The following ADAMTS12 variants were observed in gnomAD, a reference collection of about 807,000 sequenced individuals.
The protein encoded by ADAMTS12 is A disintegrin and metalloproteinase with thrombospondin motifs 12.
A neutral mutation model predicts 167.8 loss-of-function variants in ADAMTS12; 118 were observed. The observed-to-expected ratio is 0.70, with a 90% CI of 0.61 to 0.82. The LOEUF (loss-of-function observed/expected upper bound fraction) is 0.82, where lower values mean the gene tolerates loss of function less well. Among genes scored for constraint, ADAMTS12 ranks in the 40% least tolerant of loss-of-function variants. The pLI, the probability that ADAMTS12 is intolerant of heterozygous loss-of-function variation, is 0.00. For synonymous variants in ADAMTS12, 704 were observed against 716.9 expected (o/e 0.98, Z 0.29); for missense variants, 1,916 against 1,998.8 (o/e 0.96, Z 0.79).
At chr5:33,661,870 C>T (rs769189867) in intron 6 of ADAMTS12, 46 bp downstream of exon 6, 2 of 1,609,470 alleles carry the variant, frequency 1.2e-6, no homozygotes, top group Non-Finnish European at 1.7e-6. Context: ...ACCTGCCATC[C>T]CTCCCTGCTT....
intron 3 of ADAMTS12, among the ~76,000 whole-genome samples, chr5:33,700,452 T>C (rs922117316): frequency 6.6e-6 from 1 of 152,170 alleles, no homozygotes; most frequent in South Asian, 2.1e-4. Context: ...TATGATTCCA[T>C]TGGTATAACA....
intron 16 of ADAMTS12, among the ~76,000 whole-genome samples, chr5:33,610,176 T>C (rs59978630): frequency 0.04 from 6,062 of 152,156 alleles, 275 homozygotes; most frequent in African/African-American, 0.11. Context: ...AATGAAACTC[T>C]GTCTCAAACA....
Position 33,525,428 on chromosome 5 carries a change from T to C in ADAMTS12, c.*1760A>G, listed in dbSNP as rs1743770006. ...AATTCATGAGAGTAATACACGTTAA[T>C]GGCTTGGAAAAAAATAAAAAGCACA... On this transcript the variant is annotated 3_prime_UTR_variant, in exon 24 of 24. Transcript: ENST00000504830. The C allele has an allele frequency of 6.6e-6, 1 of 152,190 alleles. No homozygotes were observed. The highest frequency in any genetic ancestry group is 1.5e-5 in the Non-Finnish European group (1 of 68,038). The allele number at this position is 152,190 out of a possible 1,614,324, so 9.4% of individuals were successfully genotyped here.
Position 33,549,384 on chromosome 5 carries a change from C to A in ADAMTS12, c.4126-1G>T. ...AGCCCCCACTGCAGTTTCTGGAGCACTGTATGGAGAGAAAAATCAAAGGCG... is the reference window on the plus strand; with the variant it reads ...AGCCCCCACTGCAGTTTCTGGAGCAATGTATGGAGAGAAAAATCAAAGGCG... On this transcript the variant is annotated splice_acceptor_variant, in intron 20 of 23. Transcript: ENST00000504830. LOFTEE classifies it high-confidence loss of function. 6.2e-7 allele frequency: 1 copy of A among 1,605,664 alleles called. No individual in the cohort carries two copies. Among genetic ancestry groups the A allele is most frequent in the African/African-American group, 1.3e-5 (1 of 74,902 alleles).
chr5:33,677,058 C>G (rs1432372842), intron 5 of ADAMTS12, among the ~76,000 whole-genome samples: 2 of 152,300 alleles, frequency 1.3e-5, no homozygotes, highest in East Asian at 3.9e-4. Context: ...ATCCGACTCA[C>G]TCTCATTCCA....
At chr5:33,745,304 G>A (rs560960039) in intron 3 of ADAMTS12, among the ~76,000 whole-genome samples, 2 of 152,308 alleles carry the variant, frequency 1.3e-5, no homozygotes, top group African/African-American at 4.8e-5. Flanking sequence ...GAATGATGAA[G>A]GGAAAACTCA....
chr5:33,538,169 C>T (rs144422875), intron 22 of ADAMTS12, among the ~76,000 whole-genome samples: 2,392 of 152,254 alleles, frequency 0.016, 60 homozygotes, highest in African/African-American at 0.055. Context: ...CAGAGTTCCA[C>T]AGGGCTGGGG....
At chr5:33,755,629 G>T (rs1043608741) in intron 2 of ADAMTS12, among the ~76,000 whole-genome samples, 1 of 152,178 alleles carries the variant, frequency 6.6e-6, no homozygotes, top group African/African-American at 2.4e-5. Context: ...TAGAGACCTT[G>T]AAGAGTCACC....
intron 19 of ADAMTS12, among the ~76,000 whole-genome samples, chr5:33,563,487 T>G (rs1463182803): frequency 2.0e-5 from 3 of 152,142 alleles, no homozygotes; most frequent in African/African-American, 7.2e-5. Context: ...GAGGGCTCAT[T>G]ACACCTAGTG....
chr5:33,825,726 T>G (rs754959030), intron 2 of ADAMTS12, among the ~76,000 whole-genome samples: 3 of 152,158 alleles, frequency 2.0e-5, no homozygotes, highest in Non-Finnish European at 2.9e-5. Flanking sequence ...TGCAAATCGA[T>G]AGAGGAAGAA....
At chr5:33,537,255 G>A (rs1421838048) in intron 22 of ADAMTS12, among the ~76,000 whole-genome samples, 1 of 152,212 alleles carries the variant, frequency 6.6e-6, no homozygotes, top group Admixed American at 6.5e-5. Context: ...CTGTAAAGAA[G>A]AGGTTAACAT....
intron 11 of ADAMTS12, among the ~76,000 whole-genome samples, chr5:33,639,250 T>C (rs940300392): frequency 6.6e-6 from 1 of 152,222 alleles, no homozygotes; most frequent in Non-Finnish European, 1.5e-5. Flanking sequence ...CCAGCATTTA[T>C]ATACTACCAT....
At chr5:33,570,436 A>G (rs1370942172) in intron 19 of ADAMTS12, among the ~76,000 whole-genome samples, 1 of 152,234 alleles carries the variant, frequency 6.6e-6, no homozygotes, top group Non-Finnish European at 1.5e-5. Flanking sequence ...AGTGGGGGCC[A>G]ATATTCAACA....
intron 19 of ADAMTS12, among the ~76,000 whole-genome samples, chr5:33,566,425 C>T (rs1288741851): frequency 6.6e-6 from 1 of 152,180 alleles, no homozygotes; most frequent in Non-Finnish European, 1.5e-5. Flanking sequence ...CATCAAACCA[C>T]TGCACTCCGA....
chr5:33,761,931 G>C (rs986692357), intron 2 of ADAMTS12, among the ~76,000 whole-genome samples: 1 of 152,222 alleles, frequency 6.6e-6, no homozygotes, highest in Admixed American at 6.5e-5. Context: ...GGTGGCTCAC[G>C]CCTATAATCC....
chr5:33,876,638 C>G (rs1261100816), intron 2 of ADAMTS12, among the ~76,000 whole-genome samples: 1 of 152,140 alleles, frequency 6.6e-6, no homozygotes. Flanking sequence ...CTCTAAGTCT[C>G]ATACCTCATA....
chr5:33,891,953 T>C lies in ADAMTS12; in HGVS notation c.-97A>G. On this transcript the variant is annotated 5_prime_UTR_variant, in exon 1 of 24. Transcript: ENST00000504830. ...GTGGCCCAGCAGGAAGATGCAGGGGTGCATGGTCAGGCGCGAGAAGGCAGC... is the reference window on the plus strand; with the variant it reads ...GTGGCCCAGCAGGAAGATGCAGGGGCGCATGGTCAGGCGCGAGAAGGCAGC... 6.7e-7 allele frequency: 1 copy of C among 1,482,124 alleles called. No homozygotes were observed. The highest frequency in any genetic ancestry group is 9.1e-7 in the Non-Finnish European group (1 of 1,102,930). The allele number at this position is 1,482,124 out of a possible 1,614,324, so 91.8% of individuals were successfully genotyped here.
chr5:33,673,102 AG>A (rs1554033882), intron 5 of ADAMTS12, among the ~76,000 whole-genome samples: 1 of 1,122 alleles, frequency 8.9e-4, no homozygotes, highest in East Asian at 0.5. Context: ...GGAGACAAAC[AG>A]AAAAGCAGAT....
intron 18 of ADAMTS12, among the ~76,000 whole-genome samples, chr5:33,580,706 C>T (rs1747021149): frequency 6.6e-6 from 1 of 152,174 alleles, no homozygotes; most frequent in Non-Finnish European, 1.5e-5. Flanking sequence ...CACCAACCTA[C>T]CAACCAACCA....
Sources: gnomAD v4.1 joint callset for allele counts (sites outside exome capture counted in the v4.1 genomes callset) on GRCh38, gnomAD v4.1.1 for gene constraint, MANE v1.5 for transcripts, NCBI Gene and HGNC (gene_info 2026-07-23, HGNC 2026-07-21) for gene names.